Variants in BBOF1 observed in about 807,000 individuals in gnomAD.
The protein encoded by BBOF1 is basal body-orientation factor 1.
In BBOF1, 62 loss-of-function variants were observed where a neutral mutation model predicts 68.0. The observed-to-expected ratio is 0.91, with a 90% CI of 0.74 to 1.13. The LOEUF (loss-of-function observed/expected upper bound fraction) is 1.13. Ranked by LOEUF, BBOF1 falls within the 50% of genes most tolerant of loss-of-function variation. BBOF1 has a pLI of 0.00. For synonymous variants in BBOF1, 208 were observed against 198.8 expected (o/e 1.05, Z -0.39); for missense variants, 534 against 600.1 (o/e 0.89, Z 1.15).
chr14:74,050,825 T>C (rs1327676759), intron 8 of BBOF1, among the ~76,000 whole-genome samples: 3 of 152,180 alleles, frequency 2.0e-5, no homozygotes, highest in Admixed American at 1.3e-4. Context: ...CAATTATTTG[T>C]AGGCCAGGCA....
chr14:74,019,482 C>G lies in BBOF1; in HGVS notation c.4C>G (p.Pro2Ala), dbSNP rs866169416. 1 of 1,603,908 alleles carries G rather than the reference C, an allele frequency of 6.2e-7. No homozygotes were observed. Among genetic ancestry groups the G allele is most frequent in the Non-Finnish European group, 8.5e-7 (1 of 1,174,970 alleles). Reference protein sequence around the residue: MPSKGKDKKKGK... With the variant: MASKGKDKKKGK... The stretch of plus-strand genomic sequence containing the variant: ...CGGAGCCCCTGGGGAAGCCAAGATG[C>G]CGTCGAAGGGAAAGGACAAAAAGAA... The change falls in exon 1 of 12, where the codon CCG (proline) becomes GCG (alanine). Residue 2 changes from proline to alanine, a missense_variant. By Grantham distance (27) the Pro-to-Ala change is conservative. Transcript: ENST00000394009.
chr14:74,037,721 A>C (rs1046291669), intron 4 of BBOF1, among the ~76,000 whole-genome samples: 7 of 151,944 alleles, frequency 4.6e-5, no homozygotes, highest in African/African-American at 1.7e-4. Context: ...TGGGAGGCCG[A>C]GGCAGGCGGA....
chr14:74,038,355 C>G (rs2059756738), intron 4 of BBOF1, among the ~76,000 whole-genome samples: 1 of 152,206 alleles, frequency 6.6e-6, no homozygotes, highest in Non-Finnish European at 1.5e-5. Context: ...GGTATACATT[C>G]TGAATTCAAA....
intron 11 of BBOF1, among the ~76,000 whole-genome samples, chr14:74,062,265 C>T (rs986366282): frequency 1.3e-5 from 2 of 151,782 alleles, no homozygotes; most frequent in African/African-American, 4.8e-5. Flanking sequence ...CTCTGTTTTG[C>T]TTAAAAGAAA....
At chr14:74,071,508 G>C (rs778595157) in intron 9 of BBOF1, 1 of 1,613,514 alleles carries the variant, frequency 6.2e-7, no homozygotes, top group East Asian at 2.2e-5. Context: ...CTGGAACACA[G>C]AAGTCAGGCC....
chr14:74,020,743 A>T (rs1395609892), intron 1 of BBOF1, among the ~76,000 whole-genome samples: 1 of 152,006 alleles, frequency 6.6e-6, no homozygotes, highest in Non-Finnish European at 1.5e-5. Flanking sequence ...ACTTCAGGTG[A>T]TCCACCCGCC....
intron 2 of BBOF1, among the ~76,000 whole-genome samples, chr14:74,027,422 G>A (rs547421238): frequency 9.8e-6 from 1 of 102,344 alleles, no homozygotes; most frequent in Non-Finnish European, 1.8e-5. Context: ...GCAGAAGAAT[G>A]CCAATTAATA....
rs182720934 is a variant in BBOF1, at chr14:74,074,969, A to T, written n.1380-3227A>T. The T allele has an allele frequency of 1.1e-4, 178 of 1,614,088 alleles. No individual in the cohort carries two copies. The East Asian group carries it at 2.9e-3, about 26-fold the overall frequency. ...AATAAACTCACCACTGAAGAAGAGA[A>T]GGAAGATGCTGAATACCAGGTGGGA... On this transcript the variant is annotated intron_variant and non_coding_transcript_variant, in intron 9 of 12. Coordinates refer to the BBOF1 transcript ENST00000492026.
chr14:74,054,347 C>A (rs748727315), intron 8 of BBOF1, among the ~76,000 whole-genome samples: 4 of 149,218 alleles, frequency 2.7e-5, no homozygotes, highest in African/African-American at 4.9e-5. Context: ...TTGTCTGTGT[C>A]TCTAAATAAA....
intron 11 of BBOF1, chr14:74,059,869 T>C (rs2060301982): frequency 6.5e-6 from 1 of 153,730 alleles, no homozygotes. Flanking sequence ...GCAGTGACAA[T>C]GATAGAATTA....
chr14:74,020,147 T>C (rs147392771), intron 1 of BBOF1, among the ~76,000 whole-genome samples: 1 of 152,354 alleles, frequency 6.6e-6, no homozygotes, highest in East Asian at 1.9e-4. Flanking sequence ...CTACTATATT[T>C]TGGAGTATTC....
At chr14:74,036,683 C>CA (rs35152747) in intron 4 of BBOF1, among the ~76,000 whole-genome samples, 82,365 of 108,410 alleles carry the variant, frequency 0.76, 31,642 homozygotes, top group East Asian at 0.88. Flanking sequence ...GACTCTGTCT[C>CA]AAAAAAAAAA....
intron 9 of BBOF1, chr14:74,072,386 T>C (rs2060562346): frequency 1.2e-6 from 2 of 1,614,004 alleles, no homozygotes; most frequent in Non-Finnish European, 1.7e-6. Flanking sequence ...AATAAGCACA[T>C]GATCCTTTGC....
At chr14:74,054,280 G>A (rs1595083510) in intron 8 of BBOF1, among the ~76,000 whole-genome samples, 1 of 152,084 alleles carries the variant, frequency 6.6e-6, no homozygotes, top group South Asian at 2.1e-4. Flanking sequence ...AAATTACTGG[G>A]ATTACGGGTG....
chr14:74,042,879 GACAC>G (rs71460947), intron 5 of BBOF1, among the ~76,000 whole-genome samples: 14,089 of 143,698 alleles, frequency 0.098, 772 homozygotes, highest in South Asian at 0.23. Flanking sequence ...CACACACACA[GACAC>G]ACACACACAC....
intron 4 of BBOF1, among the ~76,000 whole-genome samples, chr14:74,037,200 C>T (rs1475031744): frequency 1.3e-5 from 2 of 149,664 alleles, no homozygotes; most frequent in East Asian, 3.9e-4. Context: ...GTCTCAATCT[C>T]CTGACGTCAT....
chr14:74,027,189 G>T (rs2059450763), intron 2 of BBOF1, among the ~76,000 whole-genome samples: 2 of 148,136 alleles, frequency 1.4e-5, no homozygotes, highest in African/African-American at 5.0e-5. Flanking sequence ...CACTGCAAAG[G>T]ATTCTCCTGC....
At chr14:74,054,430 G>A (rs76009659) in intron 8 of BBOF1, among the ~76,000 whole-genome samples, 20,609 of 151,224 alleles carry the variant, frequency 0.14, 1,957 homozygotes, top group East Asian at 0.57. Context: ...CAAGGCTGGA[G>A]TGCAGTGGCA....
At chr14:74,059,084 CAAAAAAA>C (rs35760969) in intron 11 of BBOF1, 4 of 49,748 alleles carry the variant, frequency 8.0e-5, no homozygotes, top group South Asian at 4.0e-4. Flanking sequence ...AACTCCATCT[CAAAAAAA>C]AAAAAAAAAA....
Sources: allele counts gnomAD v4.1 joint callset (sites outside exome capture counted in the v4.1 genomes callset), GRCh38; gene constraint gnomAD v4.1.1; transcripts MANE v1.5; gene names NCBI Gene and HGNC (gene_info 2026-07-23, HGNC 2026-07-21).